ST3GAL2: variants seen among roughly 807,000 people sequenced by gnomAD.
ST3GAL2 encodes ST3 beta-galactoside alpha-2,3-sialyltransferase 2.
A neutral mutation model predicts 37.5 loss-of-function variants in ST3GAL2; 16 were observed. The ratio of observed to expected loss-of-function variants is 0.43; its 90% confidence interval spans 0.29 to 0.65. The LOEUF (loss-of-function observed/expected upper bound fraction) is 0.65, where lower values mean the gene tolerates loss of function less well. ST3GAL2 is among the 30% of genes least tolerant of loss of function. The pLI, the probability that ST3GAL2 is intolerant of heterozygous loss-of-function variation, is 0.17. For synonymous variants in ST3GAL2, 238 were observed against 202.9 expected, an observed-to-expected ratio of 1.17 and a Z score of -1.47; for missense variants, 383 against 487.8, an observed-to-expected ratio of 0.79 and a Z score of 2.02.
At chr16:70,383,119 G>T in intron 5 of ST3GAL2, 71 bp downstream of exon 5, 1 of 1,595,182 alleles carries the variant, frequency 6.3e-7, no homozygotes, top group South Asian at 1.1e-5. Flanking sequence ...GAACACCTGA[G>T]CTACAGGACC....
rs1011157008 is a variant in ST3GAL2 at position 70,389,546 on chromosome 16, C to T, written c.534-1000G>A. Reference sequence around the variant, plus strand: ...GTGGTGCAATCTCACCTCACTGCAACCTCCACCTCCTGGGTTCAAGGGATT... The same window carrying T: ...GTGGTGCAATCTCACCTCACTGCAATCTCCACCTCCTGGGTTCAAGGGATT... On this transcript the variant is annotated intron_variant, in intron 3 of 6. Coordinates refer to ENST00000342907, the MANE Select transcript of ST3GAL2 (RefSeq NM_006927.4). Among the ~76,000 whole-genome samples, 9 of 151,760 alleles carry T rather than the reference C, an allele frequency of 5.9e-5. No homozygotes were observed. The East Asian group carries it at 1.8e-3, about 30-fold the overall frequency.
In ST3GAL2 at chr16:70,428,867, T is replaced by G. The variant is rs538613662; in HGVS notation, c.-1004+10082A>C. 2.0e-3 allele frequency among the ~76,000 whole-genome samples: 303 copies of G among 152,168 alleles called. 1 individual carries two copies. Among genetic ancestry groups the G allele is most frequent in the Non-Finnish European group, 3.1e-3 (212 of 67,996 alleles). On this transcript the variant is annotated intron_variant, in intron 1 of 6. Coordinates refer to ENST00000342907, the MANE Select transcript of ST3GAL2 (RefSeq NM_006927.4). The stretch of plus-strand genomic sequence containing the variant: ...TCTGATTCCACCTCCCACCCTGGCT[T>G]TGGGGAAAAACCTGGCTAGAGCAGA...
intron 4 of ST3GAL2, among the ~76,000 whole-genome samples, chr16:70,385,026 C>T (rs146966583): frequency 0.018 from 2,747 of 152,000 alleles, 36 homozygotes; most frequent in Non-Finnish European, 0.027. Context: ...AACAAACAGG[C>T]CGGGTGCGGT....
At chr16:70,436,546 T>C (rs1051809590) in intron 1 of ST3GAL2, among the ~76,000 whole-genome samples, 2 of 151,936 alleles carry the variant, frequency 1.3e-5, no homozygotes, top group African/African-American at 4.8e-5. Flanking sequence ...CTCAAAGTGT[T>C]AGCCCTAGGG....
intron 1 of ST3GAL2, among the ~76,000 whole-genome samples, chr16:70,425,236 C>T (rs1053798001): frequency 6.6e-6 from 1 of 152,112 alleles, no homozygotes; most frequent in Non-Finnish European, 1.5e-5. Flanking sequence ...CCGAGGTGGA[C>T]AGATCACCTG....
chr16:70,398,356 G>A lies in ST3GAL2; in HGVS notation c.175C>T (p.Arg59Cys), dbSNP rs745333833. The change falls in exon 2 of 7, where the codon CGC becomes TGC. Residue 59 changes from arginine to cysteine, a missense_variant. Physicochemically the swap from Arg to Cys is radical, Grantham distance 180 (BLOSUM62 -3). Transcript: ENST00000342907. Reference protein sequence around the residue: ...KLVPGYAGLQRLSKERLSGKS... With the variant: ...KLVPGYAGLQCLSKERLSGKS... ...CCCGAGAGCCTCTCCTTGCTGAGGC[G>A]CTGCAGGCCGGCATAGCCGGGCACC... 7 of 1,613,344 alleles carry A rather than the reference G, an allele frequency of 4.3e-6. No homozygotes were observed. The highest frequency in any genetic ancestry group is 1.3e-5 in the African/African-American group (1 of 74,958).
intron 1 of ST3GAL2, among the ~76,000 whole-genome samples, chr16:70,409,741 A>G (rs1597568450): frequency 6.6e-6 from 1 of 152,022 alleles, no homozygotes; most frequent in East Asian, 1.9e-4. Context: ...CCTGGGCTCA[A>G]ATGATCCTAC....
At chr16:70,417,243 A>C (rs928781285) in intron 1 of ST3GAL2, among the ~76,000 whole-genome samples, 1 of 149,834 alleles carries the variant, frequency 6.7e-6, no homozygotes, top group Non-Finnish European at 1.5e-5. Flanking sequence ...CATCACAAGG[A>C]AGGCACAAAC....
In ST3GAL2 at chr16:70,377,169, CCT is replaced by C. The variant is rs1326026865; in HGVS notation, c.*4518_*4519del. The C allele has an allele frequency of 1.4e-5, 2 of 140,240 alleles. No individual in the cohort carries two copies. Among genetic ancestry groups the C allele is most frequent in the Non-Finnish European group, 3.0e-5 (2 of 66,510 alleles). 8.7% of individuals were successfully genotyped at this position (140,240 alleles called of 1,614,324 possible). A position where few individuals can be genotyped will look rare whatever the true frequency, so the allele number is the denominator to read the frequency against. On this transcript the variant is annotated 3_prime_UTR_variant, in exon 7 of 7. Transcript: ENST00000342907. Reference sequence around the variant, plus strand: ...TGCACCAGTCTGGGCGACAGGAGACCCTGTCTCTTAAAAAAAAAAAAAAAAAA... The same window carrying C: ...TGCACCAGTCTGGGCGACAGGAGACCGTCTCTTAAAAAAAAAAAAAAAAAA...
intron 1 of ST3GAL2, among the ~76,000 whole-genome samples, chr16:70,436,014 T>C (rs955057462): frequency 4.7e-5 from 7 of 150,396 alleles, no homozygotes; most frequent in Non-Finnish European, 1.0e-4. Flanking sequence ...TAATCCCAGC[T>C]ACTTGGGAGG....
intron 4 of ST3GAL2, among the ~76,000 whole-genome samples, chr16:70,383,595 GGGAAGGGAAAGGGAA>G (rs763142188): frequency 2.6e-5 from 4 of 151,052 alleles, no homozygotes; most frequent in African/African-American, 4.9e-5. Flanking sequence ...GGGTGGGGAG[GGGAAGGGAAAGGGAA>G]GGAAGGGAAA....
chr16:70,392,865 G>A (rs2047491121), intron 3 of ST3GAL2, among the ~76,000 whole-genome samples: 2 of 151,694 alleles, frequency 1.3e-5, no homozygotes, highest in South Asian at 2.1e-4. Flanking sequence ...GCTCACCACA[G>A]CCTCAAACTC....
Position 70,383,217 on chromosome 16 carries a change from C to G in ST3GAL2, c.732G>C (p.Lys244Asn). Residue 244 changes from lysine (K) to asparagine (N), a missense_variant, in exon 5 of 7, where the codon AAG becomes AAC. Coordinates refer to ENST00000342907, the MANE Select transcript of ST3GAL2 (RefSeq NM_006927.4). ...GQIRFTYAPV[K>N]SFLRVDKEKV... ...TTTCTTTATCCACTCGAAGGAAGGA[C>G]TTCACTGGGGCGTAGGTGCTGTAAG... 6.2e-7 allele frequency: 1 copy of G among 1,609,552 alleles called. No individual in the cohort carries two copies.
chr16:70,381,699 C>A lies in ST3GAL2; in HGVS notation c.1043G>T (p.Arg348Leu), dbSNP rs573917099. ...GCGGCGAGGCCCGGCTCAGTTGCCC[C>A]GGTAGACTTCGATCTTGCTGGCCTT... ...LAKASKIEVYRGN is the reference protein window; with the variant it reads ...LAKASKIEVYLGN The change falls in exon 7 of 7, where the codon CGG (arginine) becomes CTG (leucine). Residue 348 changes from arginine (R) to leucine (L), a missense_variant. This residue lies in a region of ST3GAL2 where 160 missense variants were observed against 248.6 expected (regional missense o/e 0.64). Transcript: ENST00000342907. 3 of 1,613,622 alleles carry A rather than the reference C, an allele frequency of 1.9e-6. No individual in the cohort carries two copies. In the South Asian group the frequency reaches 3.3e-5, roughly 18 times the overall value.
chr16:70,386,710 G>T (rs1445344775), intron 4 of ST3GAL2, among the ~76,000 whole-genome samples: 1 of 151,904 alleles, frequency 6.6e-6, no homozygotes, highest in African/African-American at 2.4e-5. Flanking sequence ...CAATGGTGTG[G>T]TCTTGGCTCA....
intron 1 of ST3GAL2, among the ~76,000 whole-genome samples, chr16:70,402,169 C>T (rs1396991158): frequency 6.7e-5 from 10 of 150,194 alleles, no homozygotes; most frequent in Admixed American, 2.7e-4. Context: ...CATGGTGGCA[C>T]ATGCCTGTAA....
chr16:70,414,920 C>A (rs1451059087), intron 1 of ST3GAL2, among the ~76,000 whole-genome samples: 2 of 152,044 alleles, frequency 1.3e-5, no homozygotes, highest in Non-Finnish European at 2.9e-5. Flanking sequence ...GTCACCCAGG[C>A]TGGAGTGCAG....
At chr16:70,392,736 T>C (rs1321820765) in intron 3 of ST3GAL2, among the ~76,000 whole-genome samples, 6 of 152,180 alleles carry the variant, frequency 3.9e-5, no homozygotes, top group African/African-American at 1.2e-4. Flanking sequence ...TCCAGGGCCA[T>C]TGGTTCCAAA....
chr16:70,385,640 TC>T (rs1399432346), intron 4 of ST3GAL2, among the ~76,000 whole-genome samples: 1 of 148,690 alleles, frequency 6.7e-6, no homozygotes, highest in African/African-American at 2.5e-5. Flanking sequence ...GGCTTAGGGA[TC>T]CGGGGGTATC....
Sources: allele counts gnomAD v4.1 joint callset (sites outside exome capture counted in the v4.1 genomes callset), GRCh38; gene constraint gnomAD v4.1.1; regional missense constraint gnomAD v4.1.1; transcripts MANE v1.5; gene names NCBI Gene and HGNC (gene_info 2026-07-23, HGNC 2026-07-21).